CNTNAP5: variants seen among roughly 807,000 people sequenced by gnomAD.
CNTNAP5 encodes the protein contactin-associated protein-like 5.
CNTNAP5 carries 72 observed loss-of-function variants against 150.2 expected under a neutral mutation model. That is an observed-to-expected ratio of 0.48 (90% CI 0.40 to 0.58). The LOEUF is 0.58. Among genes scored for constraint, CNTNAP5 ranks in the 20% least tolerant of loss-of-function variants. The pLI, the probability that CNTNAP5 is intolerant of heterozygous loss-of-function variation, is 0.00. For missense variants in CNTNAP5, 1,636 were observed against 1,626.2 expected, an observed-to-expected ratio of 1.01 and a Z score of -0.10; for synonymous variants, 672 against 619.8, an observed-to-expected ratio of 1.08 and a Z score of -1.25.
In CNTNAP5 at chr2:124,541,179, A is replaced by ATTTTTT. The variant is rs3980963; in HGVS notation, c.1649+13735_1649+13740dup. Among the ~76,000 whole-genome samples, 161 of 83,066 alleles carry ATTTTTT rather than the reference A, an allele frequency of 1.9e-3. 6 individuals carry two copies. Among genetic ancestry groups the ATTTTTT allele is most frequent in the Non-Finnish European group, 2.2e-3 (96 of 43,672 alleles). The allele number at this position is 83,066 out of a possible 152,430, so 54.5% of individuals were successfully genotyped here. A position where few individuals can be genotyped will look rare whatever the true frequency, so the allele number is the denominator to read the frequency against. ...AGAGGATAAGAAGTACAAAATTCCG[A>ATTTTTT]TTTTTTTTTTTTTTTTTGGTGAGAA... is the stretch of plus-strand genomic sequence containing the variant. On this transcript the variant is annotated intron_variant, in intron 10 of 23. Transcript: ENST00000682447.
intron 19 of CNTNAP5, among the ~76,000 whole-genome samples, chr2:124,849,893 T>C (rs1388421355): frequency 3.3e-5 from 5 of 152,154 alleles, no homozygotes; most frequent in Non-Finnish European, 2.9e-5. Flanking sequence ...TGTTTTTATT[T>C]TCTATGATGG....
chr2:124,592,744 A>G (rs982445828), intron 11 of CNTNAP5, among the ~76,000 whole-genome samples: 4 of 151,892 alleles, frequency 2.6e-5, no homozygotes, highest in Non-Finnish European at 4.4e-5. Flanking sequence ...TTTTAGATTT[A>G]TTTGCATTTA....
chr2:124,224,796 GA>G (rs947089522), intron 2 of CNTNAP5, among the ~76,000 whole-genome samples: 7 of 151,996 alleles, frequency 4.6e-5, no homozygotes, highest in African/African-American at 1.7e-4. Context: ...ATAACATTTA[GA>G]AAGTTAAGAA....
chr2:124,469,287 T>C (rs1254023348), intron 6 of CNTNAP5, among the ~76,000 whole-genome samples: 1 of 152,212 alleles, frequency 6.6e-6, no homozygotes, highest in East Asian at 1.9e-4. Context: ...TCAATAGCAC[T>C]GTGTTTTGCT....
At chr2:124,566,377 C>G (rs896119750) in intron 11 of CNTNAP5, among the ~76,000 whole-genome samples, 1 of 152,088 alleles carries the variant, frequency 6.6e-6, no homozygotes, top group Non-Finnish European at 1.5e-5. Flanking sequence ...GGATACTGTT[C>G]TCCTTTAATT....
intron 13 of CNTNAP5, among the ~76,000 whole-genome samples, chr2:124,726,062 A>G (rs1032216010): frequency 1.3e-5 from 2 of 151,976 alleles, no homozygotes; most frequent in African/African-American, 4.8e-5. Context: ...TTCTGTAATG[A>G]CAATACCAAT....
intron 23 of CNTNAP5, among the ~76,000 whole-genome samples, chr2:124,912,232 A>G (rs1678671757): frequency 6.6e-6 from 1 of 152,050 alleles, no homozygotes; most frequent in Admixed American, 6.6e-5. Context: ...GACCAAACTC[A>G]TTTCTATCTG....
chr2:124,444,099 C>T (rs568894105), intron 5 of CNTNAP5, among the ~76,000 whole-genome samples: 9 of 151,918 alleles, frequency 5.9e-5, no homozygotes, highest in South Asian at 2.1e-4. Context: ...TGTGGGGTGG[C>T]GGTGGTGGTG....
chr2:124,210,767 C>A (rs1387415219), intron 1 of CNTNAP5, among the ~76,000 whole-genome samples: 2 of 152,084 alleles, frequency 1.3e-5, no homozygotes, highest in Admixed American at 1.3e-4. Context: ...ATTCCTACTG[C>A]CTGTATAAGT....
intron 7 of CNTNAP5, among the ~76,000 whole-genome samples, chr2:124,495,255 GT>G (rs1469678799): frequency 1.3e-5 from 2 of 152,078 alleles, no homozygotes; most frequent in African/African-American, 4.8e-5. Context: ...GGTTCTCAGT[GT>G]GTAAATCTTA....
intron 3 of CNTNAP5, among the ~76,000 whole-genome samples, chr2:124,383,240 T>C (rs1332569243): frequency 6.6e-6 from 1 of 152,216 alleles, no homozygotes; most frequent in Non-Finnish European, 1.5e-5. Context: ...GAGCTTACAA[T>C]CTGCATGCAT....
At chr2:124,158,593 G>A (rs746375697) in intron 1 of CNTNAP5, among the ~76,000 whole-genome samples, 4 of 152,184 alleles carry the variant, frequency 2.6e-5, no homozygotes, top group Non-Finnish European at 4.4e-5. Context: ...ACCCATGAAT[G>A]TGGAGGGCTG....
chr2:124,715,361 C>T (rs1475588338), intron 13 of CNTNAP5, among the ~76,000 whole-genome samples: 2 of 152,096 alleles, frequency 1.3e-5, no homozygotes, highest in Admixed American at 1.3e-4. Flanking sequence ...ATATTTATGC[C>T]TCTCACATGA....
At chr2:124,570,820 G>C (rs1230204679) in intron 11 of CNTNAP5, among the ~76,000 whole-genome samples, 1 of 152,316 alleles carries the variant, frequency 6.6e-6, no homozygotes, top group Admixed American at 6.5e-5. Context: ...ACAGTAGAGA[G>C]AAGGATGACT....
chr2:124,293,106 A>G (rs1271372064), intron 3 of CNTNAP5, among the ~76,000 whole-genome samples: 4 of 152,058 alleles, frequency 2.6e-5, no homozygotes, highest in Non-Finnish European at 5.9e-5. Context: ...CACCAATATA[A>G]TAAAGTCAGT....
chr2:124,498,347 T>C (rs1039830911), intron 7 of CNTNAP5, among the ~76,000 whole-genome samples: 1 of 152,198 alleles, frequency 6.6e-6, no homozygotes, highest in Non-Finnish European at 1.5e-5. Flanking sequence ...AGCATTAATC[T>C]AGCTTTCTCT....
chr2:124,848,693 C>T (rs1192673945), intron 19 of CNTNAP5, among the ~76,000 whole-genome samples: 1 of 152,126 alleles, frequency 6.6e-6, no homozygotes, highest in Non-Finnish European at 1.5e-5. Context: ...AATAACCATC[C>T]TAACAGGTGT....
rs1260220761 is a variant in CNTNAP5 at position 124,786,333 on chromosome 2, G to GAGAA, written c.2753-3554_2753-3551dup. Among the ~76,000 whole-genome samples, 483 of 122,984 alleles carry GAGAA rather than the reference G, an allele frequency of 3.9e-3. 14 individuals are homozygous for GAGAA. The highest frequency in any genetic ancestry group is 0.013 in the African/African-American group (416 of 31,300). The allele number at this position is 122,984 out of a possible 152,430, so 80.7% of individuals were successfully genotyped here. On this transcript the variant is annotated intron_variant, in intron 17 of 23. Transcript: ENST00000682447. Reference sequence around the variant, plus strand: ...AAGAAGAAAGAAAGGAAGAAAGAAAGAGAAAGAAAGAAAGAAAGGAAGAAA... The same window carrying GAGAA: ...AAGAAGAAAGAAAGGAAGAAAGAAAGAGAAAGAAAGAAAGAAAGAAAGGAAGAAA...
chr2:124,844,621 C>G (rs1161832600), intron 19 of CNTNAP5, among the ~76,000 whole-genome samples: 1 of 152,034 alleles, frequency 6.6e-6, no homozygotes, highest in African/African-American at 2.4e-5. Flanking sequence ...ATTGATTCTA[C>G]CCATCCATGA....
Sources: gnomAD v4.1 joint callset for allele counts (sites outside exome capture counted in the v4.1 genomes callset) on GRCh38, gnomAD v4.1.1 for gene constraint, MANE v1.5 for transcripts, NCBI Gene and HGNC (gene_info 2026-07-23, HGNC 2026-07-21) for gene names.